Variants in CDH12 observed in about 807,000 individuals in gnomAD.
CDH12 encodes cadherin-12.
In CDH12, 41 loss-of-function variants were observed where a neutral mutation model predicts 74.1. The observed-to-expected ratio is 0.55, with a 90% confidence interval of 0.43 to 0.72. CDH12 has a LOEUF of 0.72. Among genes scored for constraint, CDH12 ranks in the 30% least tolerant of loss-of-function variants. CDH12 has a pLI of 0.00. For synonymous variants in CDH12, 399 were observed against 355.0 expected (o/e 1.12, Z -1.39); for missense variants, 945 against 977.2 (o/e 0.97, Z 0.44).
intron 2 of CDH12, among the ~76,000 whole-genome samples, chr5:22,475,361 C>T (rs1364449): frequency 0.38 from 57,065 of 151,148 alleles, 10,946 homozygotes; most frequent in Non-Finnish European, 0.41. Flanking sequence ...AATAACTAAC[C>T]GATTAATAGG....
chr5:22,512,145 A>T (rs1428434300), intron 1 of CDH12, among the ~76,000 whole-genome samples: 3 of 152,206 alleles, frequency 2.0e-5, no homozygotes, highest in Non-Finnish European at 4.4e-5. Flanking sequence ...TAAGTATTAG[A>T]AAATACAGTG....
chr5:22,494,254 G>C (rs1747010703), intron 2 of CDH12, among the ~76,000 whole-genome samples: 1 of 152,144 alleles, frequency 6.6e-6, no homozygotes, highest in Admixed American at 6.5e-5. Flanking sequence ...AAGTCTTCTG[G>C]TTTCCTCCTT....
intron 2 of CDH12, among the ~76,000 whole-genome samples, chr5:22,447,280 T>G (rs1744852742): frequency 6.6e-6 from 1 of 152,096 alleles, no homozygotes; most frequent in African/African-American, 2.4e-5. Context: ...TTCTTCTTCT[T>G]CTTATTTCTT....
At chr5:22,789,081 T>C (rs1747784360) in intron 1 of CDH12, among the ~76,000 whole-genome samples, 1 of 152,208 alleles carries the variant, frequency 6.6e-6, no homozygotes, top group Non-Finnish European at 1.5e-5. Flanking sequence ...TTGAGTTTTC[T>C]TGAAATTGGC....
intron 1 of CDH12, among the ~76,000 whole-genome samples, chr5:22,627,131 G>C (rs1424445378): frequency 1.3e-5 from 2 of 152,112 alleles, no homozygotes; most frequent in African/African-American, 2.4e-5. Flanking sequence ...CCCTAAAAGA[G>C]AGGGAGATGA....
At chr5:22,810,751 C>A (rs181477817) in intron 1 of CDH12, among the ~76,000 whole-genome samples, 1 of 151,948 alleles carries the variant, frequency 6.6e-6, no homozygotes, top group East Asian at 1.9e-4. Context: ...CAGTGGTATA[C>A]GCATGTAGGC....
chr5:21,925,191 T>C (rs1420271636), intron 6 of CDH12, among the ~76,000 whole-genome samples: 2 of 152,176 alleles, frequency 1.3e-5, no homozygotes, highest in Admixed American at 6.6e-5. Flanking sequence ...TTCCTACAAA[T>C]CACAATCCAT....
chr5:21,853,143 A>C (rs1750562248), intron 7 of CDH12, among the ~76,000 whole-genome samples: 1 of 151,576 alleles, frequency 6.6e-6, no homozygotes, highest in Admixed American at 6.6e-5. Flanking sequence ...CAGCTAAAAA[A>C]AATCACAAAA....
intron 2 of CDH12, among the ~76,000 whole-genome samples, chr5:22,446,519 T>C (rs1490363980): frequency 2.0e-5 from 3 of 152,106 alleles, no homozygotes; most frequent in African/African-American, 7.2e-5. Context: ...AAAGCTCGGA[T>C]AGAAGTTTAA....
At chr5:22,657,148 C>T (rs1740087874) in intron 1 of CDH12, among the ~76,000 whole-genome samples, 1 of 152,036 alleles carries the variant, frequency 6.6e-6, no homozygotes, top group African/African-American at 2.4e-5. Flanking sequence ...GTGAAATTGC[C>T]AGAGAAAAAA....
intron 4 of CDH12, among the ~76,000 whole-genome samples, chr5:22,100,843 A>C (rs1247130121): frequency 1.3e-5 from 2 of 152,086 alleles, no homozygotes. Context: ...GGGTTTTCTT[A>C]TTTTGAGAAT....
chr5:22,713,905 T>C (rs2126978660), intron 1 of CDH12, among the ~76,000 whole-genome samples: 1 of 152,316 alleles, frequency 6.6e-6, no homozygotes, highest in South Asian at 2.1e-4. Flanking sequence ...GAGTTTAAAG[T>C]TATACTATAT....
chr5:22,465,197 T>C (rs1745678470), intron 2 of CDH12, among the ~76,000 whole-genome samples: 2 of 152,220 alleles, frequency 1.3e-5, no homozygotes, highest in Admixed American at 1.3e-4. Flanking sequence ...TTCCTGGAAG[T>C]TCACATATTA....
intron 4 of CDH12, among the ~76,000 whole-genome samples, chr5:22,117,433 AAAT>A (rs1468017225): frequency 1.7e-5 from 2 of 114,436 alleles, no homozygotes; most frequent in Admixed American, 1.1e-4. Context: ...ATGCATATAT[AAAT>A]TATATATATA....
At chr5:22,304,433 T>C (rs1738019677) in intron 3 of CDH12, among the ~76,000 whole-genome samples, 1 of 152,158 alleles carries the variant, frequency 6.6e-6, no homozygotes, top group Non-Finnish European at 1.5e-5. Context: ...AACTCCAACT[T>C]CAAAGTCATA....
At chr5:22,578,804 ACTG>A (rs1321367852) in intron 1 of CDH12, among the ~76,000 whole-genome samples, 4 of 152,044 alleles carry the variant, frequency 2.6e-5, no homozygotes, top group Non-Finnish European at 5.9e-5. Context: ...GGGAAATTAA[ACTG>A]CTATTTAACT....
chr5:22,540,022 C>T (rs1384068703), intron 1 of CDH12, among the ~76,000 whole-genome samples: 2 of 152,114 alleles, frequency 1.3e-5, no homozygotes, highest in Non-Finnish European at 2.9e-5. Context: ...TATTGAATGT[C>T]AATGAGATGT....
intron 5 of CDH12, among the ~76,000 whole-genome samples, chr5:22,004,092 A>G (rs977012864): frequency 4.6e-5 from 7 of 152,138 alleles, no homozygotes; most frequent in Admixed American, 2.0e-4. Context: ...ATTTATCTTG[A>G]TATCAGTGAA....
intron 1 of CDH12, among the ~76,000 whole-genome samples, chr5:22,570,039 A>T (rs1335830363): frequency 1.4e-5 from 2 of 139,796 alleles, no homozygotes; most frequent in African/African-American, 5.2e-5. Flanking sequence ...ATTTCGTTTT[A>T]TTTATTTATT....
Sources: gnomAD v4.1 joint callset for allele counts (sites outside exome capture counted in the v4.1 genomes callset) on GRCh38, gnomAD v4.1.1 for gene constraint, MANE v1.5 for transcripts, NCBI Gene and HGNC (gene_info 2026-07-23, HGNC 2026-07-21) for gene names.